SLC16A10: variants seen among roughly 807,000 people sequenced by gnomAD.
The protein encoded by SLC16A10 is monocarboxylate transporter 10.
Under a neutral mutation model 40.0 loss-of-function variants are expected in SLC16A10, and 27 were observed. That is an observed-to-expected ratio of 0.67 (90% CI 0.50 to 0.93). SLC16A10 has a LOEUF of 0.93. Among genes scored for constraint, SLC16A10 ranks in the 40% least tolerant of loss-of-function variants. The pLI is 0.00. For synonymous variants in SLC16A10, 213 were observed against 249.8 expected, an observed-to-expected ratio of 0.85 and a Z score of 1.39; for missense variants, 529 against 658.2, an observed-to-expected ratio of 0.80 and a Z score of 2.15.
intron 4 of SLC16A10, among the ~76,000 whole-genome samples, chr6:111,217,275 G>C (rs1462898933): frequency 1.3e-5 from 2 of 152,300 alleles, no homozygotes; most frequent in African/African-American, 4.8e-5. Flanking sequence ...ACCTCATAAA[G>C]TTGTTATGAG....
intron 4 of SLC16A10, among the ~76,000 whole-genome samples, chr6:111,209,522 T>G (rs1217077596): frequency 6.6e-6 from 1 of 152,148 alleles, no homozygotes; most frequent in Admixed American, 6.5e-5. Flanking sequence ...GATGAGTTTG[T>G]TTTTGCCATG....
At chr6:111,091,894 G>GA (rs1770981780) in intron 1 of SLC16A10, among the ~76,000 whole-genome samples, 1 of 152,188 alleles carries the variant, frequency 6.6e-6, no homozygotes, top group Non-Finnish European at 1.5e-5. Flanking sequence ...TGGAGATAAT[G>GA]ACTGAGAGAG....
rs553428537 is a variant in SLC16A10, at chr6:111,131,000, A to G, written c.344-41695A>G. Among the ~76,000 whole-genome samples, 25 of 152,384 alleles carry G rather than the reference A, an allele frequency of 1.6e-4. 1 individual carries two copies. Among genetic ancestry groups the G allele is most frequent in the African/African-American group, 5.8e-4 (24 of 41,596 alleles). On this transcript the variant is annotated intron_variant, in intron 1 of 5. Transcript: ENST00000368851. ...ATGAGTGAGTATTTGTAAAACACTTAAAACAGTGACTGACTTGGGCTACCC... is the reference window on the plus strand; with the variant it reads ...ATGAGTGAGTATTTGTAAAACACTTGAAACAGTGACTGACTTGGGCTACCC...
rs1335004550 is a variant in SLC16A10, at chr6:111,087,657, C to G, written c.-96C>G. On this transcript the variant is annotated 5_prime_UTR_variant, in exon 1 of 6. Coordinates refer to ENST00000368851, the MANE Select transcript of SLC16A10 (RefSeq NM_018593.5). ...GGCTCCGCCGCCCTCGCCTCGGCCTCGTTAGCCCGCCAGGAGCCCCGCAGC... is the reference window on the plus strand; with the variant it reads ...GGCTCCGCCGCCCTCGCCTCGGCCTGGTTAGCCCGCCAGGAGCCCCGCAGC... 2 of 721,166 alleles carry G rather than the reference C, an allele frequency of 2.8e-6. No individual in the cohort carries two copies. The highest frequency in any genetic ancestry group is 7.0e-5 in the South Asian group (1 of 14,336). 44.7% of individuals were successfully genotyped at this position (721,166 alleles called of 1,614,324 possible).
chr6:111,211,959 T>C (rs1472372039), intron 4 of SLC16A10, among the ~76,000 whole-genome samples: 1 of 152,246 alleles, frequency 6.6e-6, no homozygotes, highest in East Asian at 1.9e-4. Context: ...CAGACATACC[T>C]GCTCCCTGCT....
At chr6:111,172,903 C>T in intron 2 of SLC16A10, 64 bp downstream of exon 2, 1 of 1,548,308 alleles carries the variant, frequency 6.5e-7, no homozygotes, top group Non-Finnish European at 8.8e-7. Context: ...GTTTTACTTT[C>T]AGAAACTATG....
intron 3 of SLC16A10, among the ~76,000 whole-genome samples, chr6:111,198,096 G>A (rs756315802): frequency 9.5e-4 from 144 of 152,112 alleles, no homozygotes; most frequent in Non-Finnish European, 1.8e-3. Context: ...AGACCAGCAC[G>A]GGCAACATGG....
intron 1 of SLC16A10, among the ~76,000 whole-genome samples, chr6:111,130,688 G>A (rs1297216961): frequency 6.6e-6 from 1 of 152,130 alleles, no homozygotes; most frequent in Non-Finnish European, 1.5e-5. Flanking sequence ...CTGGGCCTTG[G>A]ACCTGGGTCC....
At chr6:111,177,761 C>T in intron 3 of SLC16A10, 96 bp downstream of exon 3, 2 of 1,122,324 alleles carry the variant, frequency 1.8e-6, no homozygotes, top group Non-Finnish European at 2.5e-6. Context: ...TGGCCTCAAA[C>T]ATTATCCTGG....
intron 1 of SLC16A10, among the ~76,000 whole-genome samples, chr6:111,109,722 G>A (rs956615990): frequency 6.6e-6 from 1 of 151,914 alleles, no homozygotes; most frequent in African/African-American, 2.4e-5. Flanking sequence ...AAAGTGTTGG[G>A]GTTACAAGTG....
At position 111,112,017 on chromosome 6, in the gene SLC16A10, T is replaced by C. The variant is rs111709468; in HGVS notation, c.343+23922T>C. 2.5e-3 allele frequency among the ~76,000 whole-genome samples: 381 copies of C among 152,162 alleles called. 2 individuals carry two copies. The highest frequency in any genetic ancestry group is 8.7e-3 in the African/African-American group (360 of 41,522). On this transcript the variant is annotated intron_variant, in intron 1 of 5. Transcript: ENST00000368851. The stretch of plus-strand genomic sequence containing the variant: ...GTGTGTATATAGGTATGTATAGATA[T>C]AGATATAGATATAGATATAAAATTT...
At chr6:111,101,662 G>A (rs1298207317) in intron 1 of SLC16A10, among the ~76,000 whole-genome samples, 1 of 152,002 alleles carries the variant, frequency 6.6e-6, no homozygotes, top group Non-Finnish European at 1.5e-5. Context: ...TTGCTGTGTT[G>A]CTCAGGCTGG....
intron 1 of SLC16A10, among the ~76,000 whole-genome samples, chr6:111,138,054 A>AT (rs1472842501): frequency 6.6e-6 from 1 of 152,248 alleles, no homozygotes; most frequent in Non-Finnish European, 1.5e-5. Flanking sequence ...TTTTCACTCT[A>AT]TTAAATCTTG....
chr6:111,147,764 A>C lies in SLC16A10; in HGVS notation c.344-24931A>C, dbSNP rs1000966224. On this transcript the variant is annotated intron_variant, in intron 1 of 5. Transcript: ENST00000368851. ...CCATAACTTTATGGCAGTTAGGTGA[A>C]ATCCCTTTTTGTTTTGTGGACATAG... Among the ~76,000 whole-genome samples, 22 of 152,304 alleles carry C rather than the reference A, an allele frequency of 1.4e-4. 1 individual carries two copies. The highest frequency in any genetic ancestry group is 5.3e-4 in the African/African-American group (22 of 41,568).
intron 1 of SLC16A10, among the ~76,000 whole-genome samples, chr6:111,105,198 T>A (rs1047352155): frequency 6.6e-6 from 1 of 152,194 alleles, no homozygotes; most frequent in East Asian, 1.9e-4. Context: ...TCATTTCAAC[T>A]AATTTATGTA....
At position 111,228,505 on chromosome 6, in the gene SLC16A10, T is replaced by G. The variant is rs1300872846; in HGVS notation, c.*6270T>G. 1.3e-5 allele frequency: 2 copies of G among 152,178 alleles called. No individual in the cohort carries two copies. Among genetic ancestry groups the G allele is most frequent in the South Asian group, 4.1e-4 (2 of 4,828 alleles). The allele number at this position is 152,178 out of a possible 1,614,324, so 9.4% of individuals were successfully genotyped here. A position where few individuals can be genotyped will look rare whatever the true frequency, so the allele number is the denominator to read the frequency against. The stretch of plus-strand genomic sequence containing the variant: ...TGCGATAGGAACTACCAATATAAAA[T>G]AACACTTAGAACTCAAATTAGATTG... On this transcript the variant is annotated 3_prime_UTR_variant, in exon 6 of 6. Transcript: ENST00000368851.
At chr6:111,117,788 C>T (rs1004683305) in intron 1 of SLC16A10, among the ~76,000 whole-genome samples, 7 of 152,152 alleles carry the variant, frequency 4.6e-5, no homozygotes, top group Non-Finnish European at 5.9e-5. Flanking sequence ...GAATTTTAGA[C>T]CTCTGTGGCC....
At chr6:111,106,273 T>C (rs1771283042) in intron 1 of SLC16A10, among the ~76,000 whole-genome samples, 1 of 152,204 alleles carries the variant, frequency 6.6e-6, no homozygotes, top group Admixed American at 6.5e-5. Flanking sequence ...AAAAGAACAA[T>C]GTAAGTTTTT....
rs527240221 is a variant in SLC16A10 at position 111,088,504 on chromosome 6, C to T, written c.343+409C>T. Among the ~76,000 whole-genome samples the T allele has an allele frequency of 5.9e-5, 9 of 152,262 alleles. No individual in the cohort carries two copies. In the South Asian group the frequency reaches 1.5e-3, roughly 25 times the overall value. On this transcript the variant is annotated intron_variant, in intron 1 of 5. Transcript: ENST00000368851. ...TCGTGACTATGCCAGTTATGTAGTT[C>T]TTCACCTGCCTCCCTGGGCCGCAGA...
Sources: gnomAD v4.1 joint callset for allele counts (sites outside exome capture counted in the v4.1 genomes callset) on GRCh38, gnomAD v4.1.1 for gene constraint, MANE v1.5 for transcripts, NCBI Gene and HGNC (gene_info 2026-07-23, HGNC 2026-07-21) for gene names.